ATAD5: variants seen among roughly 807,000 people sequenced by gnomAD.
ATAD5 encodes ATPase family AAA domain containing 5.
Under a neutral mutation model 176.9 loss-of-function variants are expected in ATAD5, and 58 were observed. The observed-to-expected ratio is 0.33, with a 90% CI of 0.27 to 0.41. The LOEUF is 0.41. Among genes scored for constraint, ATAD5 ranks in the 10% least tolerant of loss-of-function variants. The probability of loss-of-function intolerance (pLI) is 1.00; values close to 1 mark genes in which losing one functional copy is unlikely to be tolerated. For synonymous variants in ATAD5, 640 were observed against 712.6 expected (o/e 0.90, Z 1.62); for missense variants, 1,789 against 2,094.1 (o/e 0.85, Z 2.84).
At position 30,855,221 on chromosome 17, in the gene ATAD5, A is replaced by G; in HGVS notation, c.2529A>G (p.Pro843=). The G allele has an allele frequency of 6.8e-6, 11 of 1,614,114 alleles. No individual in the cohort carries two copies. Among genetic ancestry groups the G allele is most frequent in the Non-Finnish European group, 9.3e-6 (11 of 1,179,984 alleles). The change falls in exon 7 of 23, where the codon CCA becomes CCG. Residue 843 remains proline, a synonymous_variant. Coordinates refer to ENST00000321990, the MANE Select transcript of ATAD5 (RefSeq NM_024857.5). ...AKRDFLMSGL[P]DLLKRQIAKK... Reference sequence around the variant, plus strand: ...GTGACTTCCTAATGAGTGGTTTGCCAGATTTGTTGAAACGGCAAATTGCAA... The same window carrying G: ...GTGACTTCCTAATGAGTGGTTTGCCGGATTTGTTGAAACGGCAAATTGCAA...
chr17:30,884,329 C>A (rs1186023546), intron 18 of ATAD5, among the ~76,000 whole-genome samples: 4 of 149,836 alleles, frequency 2.7e-5, no homozygotes. Flanking sequence ...CTGTGACTGG[C>A]TTATTTCACT....
chr17:30,878,716 G>GTGTTTTT (rs1908810879), intron 17 of ATAD5, among the ~76,000 whole-genome samples: 1 of 82,658 alleles, frequency 1.2e-5, no homozygotes, highest in African/African-American at 5.0e-5. Flanking sequence ...AAGTTAGGTG[G>GTGTTTTT]TGTTTTTTTT....
At chr17:30,892,442 A>G (rs1909689891) in intron 19 of ATAD5, among the ~76,000 whole-genome samples, 165 bp from the exon 20 acceptor site, 3 of 152,014 alleles carry the variant, frequency 2.0e-5, no homozygotes, top group South Asian at 4.2e-4. Flanking sequence ...AAAAAAAAAA[A>G]AAGAATAATG....
intron 10 of ATAD5, 135 bp from the exon 11 acceptor site, chr17:30,865,569 C>T: frequency 2.0e-6 from 1 of 497,276 alleles, no homozygotes. Context: ...TTTAAAAGTA[C>T]CTCTGGCATT....
At chr17:30,885,135 T>C (rs1909244071) in intron 18 of ATAD5, among the ~76,000 whole-genome samples, 1 of 152,228 alleles carries the variant, frequency 6.6e-6, no homozygotes, top group African/African-American at 2.4e-5. Flanking sequence ...TTATTAGTTA[T>C]AGTAGTTATT....
chr17:30,865,370 C>T (rs1050686519), intron 10 of ATAD5, among the ~76,000 whole-genome samples: 13 of 152,062 alleles, frequency 8.5e-5, no homozygotes, highest in African/African-American at 2.9e-4. Context: ...GACGGGGTTT[C>T]ACCGTGTTAG....
At chr17:30,892,270 C>T (rs1909677527) in intron 19 of ATAD5, among the ~76,000 whole-genome samples, 1 of 151,518 alleles carries the variant, frequency 6.6e-6, no homozygotes, top group Non-Finnish European at 1.5e-5. Context: ...ACTAAAAATA[C>T]AAAAAGTAGC....
intron 4 of ATAD5, among the ~76,000 whole-genome samples, chr17:30,841,738 A>T (rs535415348): frequency 1.3e-5 from 2 of 152,104 alleles, no homozygotes; most frequent in Non-Finnish European, 2.9e-5. Context: ...ATCATATAGC[A>T]TGTGGTTTTT....
chr17:30,852,602 A>G (rs1907035973), intron 6 of ATAD5, among the ~76,000 whole-genome samples: 1 of 152,174 alleles, frequency 6.6e-6, no homozygotes, highest in Admixed American at 6.6e-5. Flanking sequence ...ACAGCTCTGT[A>G]GATTGTACAA....
chr17:30,847,171 G>C (rs1906558727), intron 6 of ATAD5, among the ~76,000 whole-genome samples: 1 of 152,022 alleles, frequency 6.6e-6, no homozygotes, highest in Non-Finnish European at 1.5e-5. Context: ...GCTTTCTGTT[G>C]GTATAGACTA....
intron 14 of ATAD5, among the ~76,000 whole-genome samples, chr17:30,875,795 CAA>C (rs55820733): frequency 4.6e-4 from 57 of 124,446 alleles, no homozygotes; most frequent in African/African-American, 9.0e-4. Context: ...GACCCTGACT[CAA>C]AAAAAAAAAA....
At chr17:30,848,671 T>C (rs1461870239) in intron 6 of ATAD5, among the ~76,000 whole-genome samples, 1 of 152,184 alleles carries the variant, frequency 6.6e-6, no homozygotes, top group Non-Finnish European at 1.5e-5. Context: ...AGACTTGTCA[T>C]GCTCTTTTGT....
At chr17:30,884,857 C>T (rs1909229106) in intron 18 of ATAD5, among the ~76,000 whole-genome samples, 1 of 151,408 alleles carries the variant, frequency 6.6e-6, no homozygotes, top group South Asian at 2.1e-4. Flanking sequence ...ACGCCATTCT[C>T]CTGCCTCAGC....
intron 6 of ATAD5, among the ~76,000 whole-genome samples, 170 bp downstream of exon 6, chr17:30,845,086 T>C: frequency 6.6e-6 from 1 of 152,208 alleles, no homozygotes; most frequent in East Asian, 1.9e-4. Flanking sequence ...ATATCTTGGT[T>C]TTTTGCAAGT....
At chr17:30,889,098 T>TA (rs1235398218) in intron 19 of ATAD5, among the ~76,000 whole-genome samples, 1 of 148,914 alleles carries the variant, frequency 6.7e-6, no homozygotes, top group Non-Finnish European at 1.5e-5. Context: ...ACACACAAAT[T>TA]AAAAAACAAA....
Position 30,879,416 on chromosome 17 carries a change from T to C in ATAD5, c.4013-7T>C. The C allele has an allele frequency of 1.3e-6, 2 of 1,595,988 alleles. No individual in the cohort carries two copies. The highest frequency in any genetic ancestry group is 2.3e-5 in the South Asian group (2 of 88,392). ...TTTTTTTTTTTTGTGTGTGTGTGTGTGTGTAGACCCAACATTTAGTTTAAT... is the reference window on the plus strand; with the variant it reads ...TTTTTTTTTTTTGTGTGTGTGTGTGCGTGTAGACCCAACATTTAGTTTAAT... On this transcript the variant is annotated splice_region_variant and splice_polypyrimidine_tract_variant and intron_variant, in intron 17 of 22. Coordinates refer to ENST00000321990, the MANE Select transcript of ATAD5 (RefSeq NM_024857.5).
At chr17:30,863,624 C>T (rs1907784982) in intron 10 of ATAD5, among the ~76,000 whole-genome samples, 2 of 147,624 alleles carry the variant, frequency 1.4e-5, no homozygotes, top group South Asian at 4.3e-4. Flanking sequence ...CCTCAGCCTC[C>T]GAAAATGCTG....
At chr17:30,836,720 A>G (rs995233154) in intron 2 of ATAD5, among the ~76,000 whole-genome samples, 2 of 151,920 alleles carry the variant, frequency 1.3e-5, no homozygotes, top group Admixed American at 6.6e-5. Flanking sequence ...GGTGCGTGCC[A>G]CCATACCCGG....
chr17:30,874,548 CAAA>C (rs1298663817), intron 14 of ATAD5, among the ~76,000 whole-genome samples: 2 of 70,208 alleles, frequency 2.8e-5, no homozygotes, highest in Non-Finnish European at 5.2e-5. Flanking sequence ...TCAAAAGAAA[CAAA>C]AAAAAAAAAA....
Sources: allele counts gnomAD v4.1 joint callset (sites outside exome capture counted in the v4.1 genomes callset), GRCh38; gene constraint gnomAD v4.1.1; transcripts MANE v1.5; gene names NCBI Gene and HGNC (gene_info 2026-07-23, HGNC 2026-07-21).